Variants in SULT2B1 observed in about 807,000 individuals in gnomAD.
SULT2B1 encodes sulfotransferase 2B1.
Under a neutral mutation model 33.2 loss-of-function variants are expected in SULT2B1, and 16 were observed. That is an observed-to-expected ratio of 0.48 (90% CI 0.33 to 0.73). The LOEUF is 0.73. SULT2B1 is among the 30% of genes least tolerant of loss of function. The probability of loss-of-function intolerance (pLI) is 0.02; values close to 1 mark genes in which losing one functional copy is unlikely to be tolerated. For missense variants in SULT2B1, 500 were observed against 506.0 expected (o/e 0.99, Z 0.11); for synonymous variants, 186 against 200.5 (o/e 0.93, Z 0.61).
chr19:48,582,753 G>C (rs971994985), intron 2 of SULT2B1, among the ~76,000 whole-genome samples: 2 of 152,062 alleles, frequency 1.3e-5, no homozygotes, highest in African/African-American at 4.8e-5. Flanking sequence ...TGAGGCATGA[G>C]AATTGCTTGA....
At chr19:48,567,099 G>A (rs1031861173) in intron 1 of SULT2B1, among the ~76,000 whole-genome samples, 6 of 152,104 alleles carry the variant, frequency 3.9e-5, no homozygotes, top group African/African-American at 7.2e-5. Context: ...GAATTCCAGC[G>A]TTTTTCCAGG....
At chr19:48,576,363 T>TC (rs1439371386) in intron 2 of SULT2B1, among the ~76,000 whole-genome samples, 43 of 116,962 alleles carry the variant, frequency 3.7e-4, no homozygotes, top group African/African-American at 5.8e-4. Context: ...ACTTCTCTTT[T>TC]TTTTTTTTTT....
At chr19:48,592,286 C>T (rs536104216) in intron 4 of SULT2B1, among the ~76,000 whole-genome samples, 3 of 150,818 alleles carry the variant, frequency 2.0e-5, no homozygotes, top group East Asian at 2.0e-4. Flanking sequence ...AGTGAGACTC[C>T]GTCTCAAAAA....
At chr19:48,564,632 C>G (rs1383904274) in intron 1 of SULT2B1, among the ~76,000 whole-genome samples, 5 of 151,602 alleles carry the variant, frequency 3.3e-5, no homozygotes. Flanking sequence ...ATGAACACCC[C>G]TATGCCCACC....
chr19:48,579,343 C>A (rs7255533), intron 2 of SULT2B1, among the ~76,000 whole-genome samples: 69,752 of 146,404 alleles, frequency 0.48, 16,723 homozygotes, highest in South Asian at 0.58. Context: ...AGTGCAGTGG[C>A]GTGACCTTGG....
chr19:48,587,185 C>T, intron 2 of SULT2B1, 44 bp from the exon 3 acceptor site: 1 of 1,417,252 alleles, frequency 7.1e-7, no homozygotes. Context: ...TCTCCCTCTT[C>T]AGCCCTCCCA....
chr19:48,581,251 T>C (rs1274568979), intron 2 of SULT2B1, among the ~76,000 whole-genome samples: 10 of 145,678 alleles, frequency 6.9e-5, no homozygotes, highest in Non-Finnish European at 1.2e-4. Flanking sequence ...TCCATGTTGG[T>C]CAGGCTGGTC....
At chr19:48,570,756 A>G (rs1367682270) in intron 1 of SULT2B1, among the ~76,000 whole-genome samples, 1 of 149,816 alleles carries the variant, frequency 6.7e-6, no homozygotes, top group African/African-American at 2.5e-5. Flanking sequence ...ACAGAGTCTC[A>G]CTCTGTTCCC....
At chr19:48,565,178 G>A (rs1272527244) in intron 1 of SULT2B1, among the ~76,000 whole-genome samples, 1 of 151,858 alleles carries the variant, frequency 6.6e-6, no homozygotes. Context: ...CGCCTCCGTA[G>A]GCCTCCCAAA....
At chr19:48,571,641 G>C (rs2246836) in intron 1 of SULT2B1, among the ~76,000 whole-genome samples, 6 of 148,554 alleles carry the variant, frequency 4.0e-5, no homozygotes, top group African/African-American at 1.5e-4. Flanking sequence ...AATAACAAAA[G>C]AAAAAAACAC....
intron 3 of SULT2B1, 114 bp downstream of exon 3, chr19:48,587,551 A>C: frequency 2.5e-6 from 3 of 1,199,156 alleles, no homozygotes; most frequent in Non-Finnish European, 3.6e-6. Context: ...AACACCTACT[A>C]TGTGCCTGAC....
intron 2 of SULT2B1, among the ~76,000 whole-genome samples, chr19:48,578,227 G>C (rs10424237): frequency 0.46 from 69,876 of 151,728 alleles, 16,529 homozygotes; most frequent in South Asian, 0.59. Context: ...AATAGAAAAA[G>C]GTACAATTCA....
chr19:48,558,495 C>G (rs557476473), intron 1 of SULT2B1, among the ~76,000 whole-genome samples: 4 of 152,134 alleles, frequency 2.6e-5, no homozygotes, highest in East Asian at 3.9e-4. Context: ...GCTCTGATCT[C>G]GGGAGTCCCT....
intron 1 of SULT2B1, among the ~76,000 whole-genome samples, chr19:48,564,462 A>G (rs1212747896): frequency 7.5e-5 from 10 of 134,168 alleles, no homozygotes; most frequent in South Asian, 2.7e-4. Context: ...CTGAGGAAGG[A>G]GAATCGCTTG....
At position 48,596,752 on chromosome 19, in the gene SULT2B1, C is replaced by A. The variant is rs1163556229; in HGVS notation, c.659C>A (p.Ser220Tyr). ...YEELQQDLQG[S>Y]VERICGFLGR... ...CCCTGCCTGCAGGACTTACAGGGCT[C>A]CGTGGAGCGCATCTGTGGGTTCCTG... is the stretch of plus-strand genomic sequence containing the variant. The change falls in exon 6 of 7, where the codon TCC becomes TAC. Residue 220 changes from serine to tyrosine, a missense_variant. Ser to Tyr is a moderately radical substitution (Grantham distance 144, BLOSUM62 -2). Coordinates refer to ENST00000201586, the MANE Select transcript of SULT2B1 (RefSeq NM_177973.2). 5.6e-6 allele frequency: 9 copies of A among 1,605,356 alleles called. No homozygotes were observed. Among genetic ancestry groups the A allele is most frequent in the Non-Finnish European group, 7.6e-6 (9 of 1,179,566 alleles).
intron 1 of SULT2B1, among the ~76,000 whole-genome samples, chr19:48,563,653 G>C (rs1973206823): frequency 2.0e-5 from 3 of 152,090 alleles, no homozygotes; most frequent in Admixed American, 6.6e-5. Context: ...GGACAGGGCA[G>C]GGACTGATTG....
intron 4 of SULT2B1, 94 bp downstream of exon 4, chr19:48,591,829 G>C (rs182530162): frequency 1.4e-6 from 2 of 1,399,300 alleles, no homozygotes; most frequent in South Asian, 3.0e-5. Context: ...GAAAGGGAGA[G>C]AGACAGAGAC....
At chr19:48,568,801 C>T (rs1249500738) in intron 1 of SULT2B1, among the ~76,000 whole-genome samples, 5 of 152,256 alleles carry the variant, frequency 3.3e-5, no homozygotes, top group Admixed American at 6.5e-5. Context: ...TCCTGCTGTC[C>T]GATCGCATTC....
intron 1 of SULT2B1, among the ~76,000 whole-genome samples, chr19:48,564,203 A>G (rs1365155853): frequency 6.7e-6 from 1 of 150,276 alleles, no homozygotes; most frequent in East Asian, 2.0e-4. Flanking sequence ...CCGAGATAGC[A>G]CCACTGCACT....
Sources: allele counts gnomAD v4.1 joint callset (sites outside exome capture counted in the v4.1 genomes callset), GRCh38; gene constraint gnomAD v4.1.1; transcripts MANE v1.5; gene names NCBI Gene and HGNC (gene_info 2026-07-23, HGNC 2026-07-21).